Variants in SFMBT2 observed in about 807,000 individuals in gnomAD.
SFMBT2 encodes the protein scm-like with four MBT domains protein 2.
In SFMBT2, 38 loss-of-function variants were observed where a neutral mutation model predicts 110.1. The observed-to-expected ratio is 0.35, with a 90% CI of 0.27 to 0.45. The LOEUF (loss-of-function observed/expected upper bound fraction) is 0.45. Ranked by LOEUF, SFMBT2 falls within the 20% of genes least tolerant of loss-of-function variation. SFMBT2 has a pLI of 1.00. For missense variants in SFMBT2, 1,011 were observed against 1,094.9 expected, an observed-to-expected ratio of 0.92 and a Z score of 1.08; for synonymous variants, 425 against 425.4, an observed-to-expected ratio of 1.00 and a Z score of 0.01.
chr10:7,322,585 T>C (rs904209346), intron 4 of SFMBT2, among the ~76,000 whole-genome samples: 32 of 149,488 alleles, frequency 2.1e-4, no homozygotes, highest in African/African-American at 8.1e-4. Flanking sequence ...TTTTAAGAAT[T>C]TGAAATGAAA....
intron 10 of SFMBT2, among the ~76,000 whole-genome samples, chr10:7,227,207 A>T (rs1839922808): frequency 6.6e-6 from 1 of 152,220 alleles, no homozygotes; most frequent in South Asian, 2.1e-4. Context: ...CCATCAAAAT[A>T]GGTAAGACAG....
intron 9 of SFMBT2, among the ~76,000 whole-genome samples, chr10:7,232,267 G>C (rs1291361909): frequency 1.3e-5 from 2 of 152,064 alleles, no homozygotes; most frequent in African/African-American, 2.4e-5. Flanking sequence ...ATTATTGGCA[G>C]TGTAAATGGA....
chr10:7,211,799 C>CA lies in SFMBT2; in HGVS notation c.1331-5872dup, dbSNP rs567700823. ...CTTGTTTCAATTTTGCAAGTATCTC[C>CA]AAAATGCATAGTAACTACCTGACTT... On this transcript the variant is annotated intron_variant, in intron 11 of 20. Coordinates refer to ENST00000397167, the MANE Select transcript of SFMBT2 (RefSeq NM_001387889.1). Among the ~76,000 whole-genome samples, 85 of 152,276 alleles carry CA rather than the reference C, an allele frequency of 5.6e-4. 1 individual carries two copies. In the East Asian group the frequency reaches 8.3e-3, roughly 15 times the overall value.
chr10:7,230,519 G>A (rs1365914935), intron 9 of SFMBT2, among the ~76,000 whole-genome samples: 1 of 152,192 alleles, frequency 6.6e-6, no homozygotes, highest in African/African-American at 2.4e-5. Context: ...CAAAGGGCCT[G>A]GAACTGGAGA....
rs768283822 is a variant in SFMBT2, at chr10:7,285,941, C to T, written c.450G>A (p.Lys150=). 1 of 871,644 alleles carries T rather than the reference C, an allele frequency of 1.1e-6. No individual in the cohort carries two copies. Among genetic ancestry groups the T allele is most frequent in the Non-Finnish European group, 2.0e-6 (1 of 501,520 alleles). The allele number at this position is 871,644 out of a possible 1,614,324, so 54.0% of individuals were successfully genotyped here. ...VLMPPDAIKE[K]YTDWTEFLIR... Reference sequence around the variant, plus strand: ...TGAGAAATTCTGTCCAGTCTGTGTACTTCTCTTTGATTGCTGGCAAGACAA... The same window carrying T: ...TGAGAAATTCTGTCCAGTCTGTGTATTTCTCTTTGATTGCTGGCAAGACAA... Residue 150 remains lysine (K), a synonymous_variant, in exon 5 of 21, where the codon AAG becomes AAA. Transcript: ENST00000397167.
intron 11 of SFMBT2, among the ~76,000 whole-genome samples, chr10:7,211,475 C>T (rs1489220025): frequency 6.6e-6 from 1 of 152,194 alleles, no homozygotes; most frequent in East Asian, 1.9e-4. Flanking sequence ...CAACAGTCTT[C>T]CCAAATCATT....
At chr10:7,284,188 T>A (rs780173406) in intron 5 of SFMBT2, 38 bp from the exon 6 acceptor site, 1 of 1,591,992 alleles carries the variant, frequency 6.3e-7, no homozygotes, top group Non-Finnish European at 8.5e-7. Flanking sequence ...TTTTAAACTT[T>A]ATTTTAAGGT....
In SFMBT2 at chr10:7,364,452, G is replaced by A. The variant is rs114892709; in HGVS notation, c.436+3197C>T. Among the ~76,000 whole-genome samples, 896 of 152,260 alleles carry A rather than the reference G, an allele frequency of 5.9e-3. 12 individuals are homozygous for A. Among genetic ancestry groups the A allele is most frequent in the African/African-American group, 0.02 (836 of 41,536 alleles). ...AGTGTGTGTGACTGCTGCCACATTT[G>A]TCTTCTGAGGGAGAAGGAAGAATTG... On this transcript the variant is annotated intron_variant, in intron 4 of 20. Coordinates refer to ENST00000397167, the MANE Select transcript of SFMBT2 (RefSeq NM_001387889.1).
At chr10:7,314,312 C>A (rs1402166700) in intron 4 of SFMBT2, among the ~76,000 whole-genome samples, 1 of 152,218 alleles carries the variant, frequency 6.6e-6, no homozygotes, top group Non-Finnish European at 1.5e-5. Context: ...ATGACTAAAT[C>A]TGCTAACTTA....
chr10:7,284,387 G>C, intron 5 of SFMBT2: 1 of 1,256,214 alleles, frequency 8.0e-7, no homozygotes, highest in South Asian at 2.6e-5. Context: ...CAAGTCAATA[G>C]AAAATAACAG....
chr10:7,295,834 C>T (rs1047697120), intron 4 of SFMBT2, among the ~76,000 whole-genome samples: 2 of 152,126 alleles, frequency 1.3e-5, no homozygotes, highest in African/African-American at 2.4e-5. Flanking sequence ...TTAGGTAACA[C>T]CAATACTGTT....
Position 7,198,251 on chromosome 10 carries a change from T to C in SFMBT2, c.1559-564A>G, listed in dbSNP as rs577772028. 8.4e-4 allele frequency: 512 copies of C among 611,584 alleles called. 4 individuals are homozygous for C. The African/African-American group carries it at 9.2e-3, about 11-fold the overall frequency. 37.9% of individuals were successfully genotyped at this position (611,584 alleles called of 1,614,324 possible). On this transcript the variant is annotated intron_variant, in intron 14 of 20. Transcript: ENST00000397167. The stretch of plus-strand genomic sequence containing the variant: ...GGATCTAGAAAGTTCATTCATTTTT[T>C]TACTTCTTTGACTCTATTGAATTAA...
intron 16 of SFMBT2, among the ~76,000 whole-genome samples, chr10:7,180,036 C>T (rs567822925): frequency 1.2e-4 from 18 of 152,286 alleles, no homozygotes; most frequent in African/African-American, 3.9e-4. Context: ...TGGCGGATGG[C>T]GTGCTGCCTG....
intron 9 of SFMBT2, among the ~76,000 whole-genome samples, chr10:7,242,459 A>G (rs1840463679): frequency 6.6e-6 from 1 of 152,212 alleles, no homozygotes; most frequent in African/African-American, 2.4e-5. Context: ...TAGATTCTTC[A>G]TAGTTCACTT....
chr10:7,335,620 C>CACAA (rs1554806117), intron 4 of SFMBT2, among the ~76,000 whole-genome samples: 10 of 150,750 alleles, frequency 6.6e-5, no homozygotes, highest in Non-Finnish European at 1.5e-4. Context: ...CACACACACA[C>CACAA]AACCATATAC....
rs753989149 is a variant in SFMBT2 at position 7,285,883 on chromosome 10, C to T, written c.508G>A (p.Ala170Thr). The change falls in exon 5 of 21, where the codon GCC (alanine) becomes ACC (threonine). Residue 170 changes from alanine to threonine, a missense_variant. Physicochemically the swap from Ala to Thr is moderately conservative, Grantham distance 58. This residue lies in a region of SFMBT2 where 979 missense variants were observed against 1,016.1 expected (regional missense o/e 0.96). Coordinates refer to ENST00000397167, the MANE Select transcript of SFMBT2 (RefSeq NM_001387889.1). ...ATACATACACCTTCCAGGAGGTTGGCGGGTGCTGTCCTCGAACCAGTCAAG... is the reference window on the plus strand; with the variant it reads ...ATACATACACCTTCCAGGAGGTTGGTGGGTGCTGTCCTCGAACCAGTCAAG... Reference protein sequence around the residue: ...RDLTGSRTAPANLLEGPLRGK... With the variant: ...RDLTGSRTAPTNLLEGPLRGK... 6 of 872,504 alleles carry T rather than the reference C, an allele frequency of 6.9e-6. No homozygotes were observed. The highest frequency in any genetic ancestry group is 5.2e-5 in the South Asian group (4 of 76,520). The allele number at this position is 872,504 out of a possible 1,614,324, so 54.0% of individuals were successfully genotyped here.
intron 7 of SFMBT2, among the ~76,000 whole-genome samples, chr10:7,257,715 T>TA (rs895579377): frequency 1.3e-5 from 2 of 152,228 alleles, no homozygotes; most frequent in African/African-American, 4.8e-5. Context: ...CTTATGCTTT[T>TA]AAAATGTCAC....
In SFMBT2 at chr10:7,293,117, C is replaced by T. The variant is rs11599022; in HGVS notation, c.437-7163G>A. On this transcript the variant is annotated intron_variant, in intron 4 of 20. Transcript: ENST00000397167. The surrounding 1 kb of genome is among the most constrained non-coding windows in gnomAD (Gnocchi z 4.6). ...TGTCTGGAATGCAGTGGCGCGATCT[C>T]GACTCACTGCAACCTCCACCTCCTG... Among the ~76,000 whole-genome samples the T allele has an allele frequency of 0.037, 5,630 of 152,174 alleles. 146 individuals are homozygous for T. Among genetic ancestry groups the T allele is most frequent in the Non-Finnish European group, 0.057 (3,850 of 67,972 alleles).
intron 3 of SFMBT2, among the ~76,000 whole-genome samples, chr10:7,368,878 A>G (rs1416573685): frequency 3.3e-5 from 5 of 152,246 alleles, no homozygotes; most frequent in Admixed American, 2.0e-4. Context: ...AACAGCCACA[A>G]TCACGTTCAT....
Sources: gnomAD v4.1 joint callset for allele counts (sites outside exome capture counted in the v4.1 genomes callset) on GRCh38, gnomAD v4.1.1 for gene constraint, gnomAD v4.1.1 regional missense constraint, Gnocchi (gnomAD v3.1) non-coding constraint, MANE v1.5 for transcripts, NCBI Gene and HGNC (gene_info 2026-07-23, HGNC 2026-07-21) for gene names.